The following ADAM19 variants were observed in gnomAD, a reference collection of about 807,000 sequenced individuals.
The protein encoded by ADAM19 is disintegrin and metalloproteinase domain-containing protein 19.
A neutral mutation model predicts 114.7 loss-of-function variants in ADAM19; 65 were observed. The ratio of observed to expected loss-of-function variants is 0.57; its 90% CI spans 0.46 to 0.70. ADAM19 has a LOEUF of 0.70. Among genes scored for constraint, ADAM19 ranks in the 30% least tolerant of loss-of-function variants. The probability of loss-of-function intolerance (pLI) is 0.00; values close to 1 mark genes in which losing one functional copy is unlikely to be tolerated. For synonymous variants in ADAM19, 466 were observed against 460.5 expected, an observed-to-expected ratio of 1.01 and a Z score of -0.15; for missense variants, 1,063 against 1,204.7, an observed-to-expected ratio of 0.88 and a Z score of 1.74.
intron 21 of ADAM19, among the ~76,000 whole-genome samples, chr5:157,487,232 GTCAA>G (rs1187649562): frequency 2.6e-5 from 4 of 151,928 alleles, no homozygotes; most frequent in African/African-American, 7.2e-5. Context: ...CTCTCTCCCT[GTCAA>G]TCTTTCCTCT....
chr5:157,566,102 C>CT (rs1461489138), intron 2 of ADAM19: 1 of 125,966 alleles, frequency 7.9e-6, no homozygotes, highest in African/African-American at 3.6e-5. Flanking sequence ...GAGCGAGACT[C>CT]TGTCTCAAAA....
chr5:157,497,590 C>CAT (rs1554079232), intron 13 of ADAM19, among the ~76,000 whole-genome samples: 2 of 151,358 alleles, frequency 1.3e-5, no homozygotes, highest in African/African-American at 4.9e-5. Flanking sequence ...CACACACACA[C>CAT]ACACACACAA....
chr5:157,529,128 C>CAG (rs1486733074), intron 5 of ADAM19, among the ~76,000 whole-genome samples: 1 of 152,134 alleles, frequency 6.6e-6, no homozygotes, highest in African/African-American at 2.4e-5. Flanking sequence ...TGCTACAAAT[C>CAG]AGGGCTTTTT....
chr5:157,553,726 CCTAA>C (rs144392112), intron 3 of ADAM19, among the ~76,000 whole-genome samples: 4,104 of 152,168 alleles, frequency 0.027, 191 homozygotes, highest in African/African-American at 0.094. Context: ...AAATCAGAAA[CCTAA>C]CTGTCAGTTA....
chr5:157,487,394 C>T (rs1754975863), intron 21 of ADAM19, among the ~76,000 whole-genome samples: 1 of 152,210 alleles, frequency 6.6e-6, no homozygotes, highest in Non-Finnish European at 1.5e-5. Flanking sequence ...CCAAAGCCTG[C>T]AGCCAACCCC....
chr5:157,521,037 C>T (rs1455462820), intron 5 of ADAM19, among the ~76,000 whole-genome samples: 3 of 152,166 alleles, frequency 2.0e-5, no homozygotes, highest in Admixed American at 1.3e-4. Context: ...TGAGTGTAAA[C>T]ATTGGAATAA....
At chr5:157,502,000 T>C (rs1755577207) in intron 12 of ADAM19, among the ~76,000 whole-genome samples, 1 of 152,030 alleles carries the variant, frequency 6.6e-6, no homozygotes, top group African/African-American at 2.4e-5. Flanking sequence ...GAGGTTGCAG[T>C]GAGTGGAGAT....
chr5:157,499,777 T>A, intron 12 of ADAM19, 115 bp from the exon 13 acceptor site: 1 of 434,642 alleles, frequency 2.3e-6, no homozygotes. Flanking sequence ...CTATCTCTTT[T>A]TTTTTTTTTT....
intron 2 of ADAM19, chr5:157,566,869 A>T (rs11465255): frequency 0.14 from 22,013 of 152,116 alleles, 1,666 homozygotes; most frequent in Middle Eastern, 0.25. Context: ...CTGGGGTATT[A>T]CCATGTTTCC....
At chr5:157,568,735 G>A (rs1406505672) in intron 2 of ADAM19, 4 of 152,132 alleles carry the variant, frequency 2.6e-5, no homozygotes, top group Non-Finnish European at 5.9e-5. Flanking sequence ...ATGAGAAAAA[G>A]AGAAGAAAAA....
At chr5:157,511,705 G>C (rs1243382482) in intron 8 of ADAM19, among the ~76,000 whole-genome samples, 1 of 152,156 alleles carries the variant, frequency 6.6e-6, no homozygotes, top group Non-Finnish European at 1.5e-5. Flanking sequence ...GACTCAGCAC[G>C]AGTCCAATTC....
At position 157,502,787 on chromosome 5, in the gene ADAM19, C is replaced by A; in HGVS notation, c.1308+16G>T. 1.2e-6 allele frequency: 2 copies of A among 1,611,190 alleles called. No homozygotes were observed. Among genetic ancestry groups the A allele is most frequent in the Non-Finnish European group, 1.7e-6 (2 of 1,177,550 alleles). The stretch of plus-strand genomic sequence containing the variant: ...CAAATTCTTCCCCTCCCACTAGCAC[C>A]ATTGTGACCCCTCACCTCTTCTTCT... On this transcript the variant is annotated intron_variant, in intron 12 of 22. Transcript: ENST00000257527.
chr5:157,575,241 CAG>C (rs1368202635), intron 1 of ADAM19, among the ~76,000 whole-genome samples: 1 of 152,260 alleles, frequency 6.6e-6, no homozygotes, highest in East Asian at 1.9e-4. Flanking sequence ...GAGAGAAAGA[CAG>C]AGAGAGAGGC....
intron 3 of ADAM19, among the ~76,000 whole-genome samples, chr5:157,561,013 CTT>C (rs1322282010): frequency 1.3e-5 from 2 of 152,188 alleles, no homozygotes; most frequent in Non-Finnish European, 2.9e-5. Context: ...CAAACTGAGG[CTT>C]AAAGAGGCTA....
At chr5:157,488,128 C>T in intron 21 of ADAM19, 137 bp downstream of exon 21, 1 of 842,294 alleles carries the variant, frequency 1.2e-6, no homozygotes, top group Non-Finnish European at 1.9e-6. Context: ...GCTGTGCGCC[C>T]CCGTATTGAC....
Position 157,505,705 on chromosome 5 carries a change from G to T in ADAM19, c.1094C>A (p.Ala365Glu). Reference protein sequence around the residue: ...HDSADCCSASAADGGCIMAAA... With the variant: ...HDSADCCSASEADGGCIMAAA... ...TGCCATGATGCACCCACCATCAGCC[G>T]CACTGGCCGAGCAGCAATCTGCAGA... Residue 365 changes from alanine to glutamate, a missense_variant, in exon 11 of 23, where the codon GCG (alanine) becomes GAG (glutamate). Physicochemically the swap from Ala to Glu is moderately radical, Grantham distance 107. Transcript: ENST00000257527. 3.1e-6 allele frequency: 5 copies of T among 1,614,018 alleles called. No individual in the cohort carries two copies. The highest frequency in any genetic ancestry group is 4.2e-6 in the Non-Finnish European group (5 of 1,179,986).
intron 1 of ADAM19, among the ~76,000 whole-genome samples, chr5:157,573,066 C>T (rs955939994): frequency 9.2e-5 from 14 of 152,082 alleles, no homozygotes; most frequent in African/African-American, 3.4e-4. Context: ...TCGCTCTTGC[C>T]CTGGTGGCTC....
At chr5:157,493,305 C>T in intron 15 of ADAM19, 128 bp from the exon 16 acceptor site, 1 of 914,322 alleles carries the variant, frequency 1.1e-6, no homozygotes, top group Non-Finnish European at 1.7e-6. Context: ...AGGTTTAGGG[C>T]AGTCATGTGC....
chr5:157,486,984 G>A (rs1031517602), intron 21 of ADAM19, among the ~76,000 whole-genome samples: 4 of 152,098 alleles, frequency 2.6e-5, no homozygotes, highest in Non-Finnish European at 5.9e-5. Flanking sequence ...GAAAGGCCTC[G>A]TGAGAACACA....
Sources: allele counts gnomAD v4.1 joint callset (sites outside exome capture counted in the v4.1 genomes callset), GRCh38; gene constraint gnomAD v4.1.1; transcripts MANE v1.5; gene names NCBI Gene and HGNC (gene_info 2026-07-23, HGNC 2026-07-21).